The following FBN1 variants were observed in gnomAD, a reference collection of about 807,000 sequenced individuals.
FBN1 encodes fibrillin-1.
A neutral mutation model predicts 365.1 loss-of-function variants in FBN1; 29 were observed. The ratio of observed to expected loss-of-function variants is 0.08; its 90% CI spans 0.06 to 0.11. The LOEUF (loss-of-function observed/expected upper bound fraction) is 0.11, where lower values mean the gene tolerates loss of function less well. FBN1 is among the 10% of genes least tolerant of loss of function. FBN1 has a pLI of 1.00. For synonymous variants in FBN1, 1,210 were observed against 1,270.5 expected (o/e 0.95, Z 1.01); for missense variants, 2,476 against 3,703.2 (o/e 0.67, Z 8.60).
chr15:48,497,634 T>C (rs2043619362), intron 18 of FBN1, among the ~76,000 whole-genome samples: 1 of 151,838 alleles, frequency 6.6e-6, no homozygotes, highest in South Asian at 2.1e-4. Context: ...AGATAACCAA[T>C]CCTTAATCAA....
chr15:48,532,884 G>A lies in FBN1; in HGVS notation c.862+1196C>T, dbSNP rs185414396. Reference sequence around the variant, plus strand: ...AGAACTATTTTTTCACAACTACCCCGAATAACTATGTATAACATGTTCAAG... The same window carrying A: ...AGAACTATTTTTTCACAACTACCCCAAATAACTATGTATAACATGTTCAAG... On this transcript the variant is annotated intron_variant, in intron 8 of 65. Coordinates refer to ENST00000316623, the MANE Select transcript of FBN1 (RefSeq NM_000138.5). Among the ~76,000 whole-genome samples the A allele has an allele frequency of 1.9e-3, 291 of 152,014 alleles. 1 individual carries two copies. Among genetic ancestry groups the A allele is most frequent in the Middle Eastern group, 6.8e-3 (2 of 294 alleles).
At chr15:48,451,539 A>G (rs563215502) in intron 45 of FBN1, among the ~76,000 whole-genome samples, 1 of 152,278 alleles carries the variant, frequency 6.6e-6, no homozygotes, top group African/African-American at 2.4e-5. Context: ...AAAATACCCT[A>G]AAGAGAACAG....
At chr15:48,644,398 C>T (rs1406880425) in intron 2 of FBN1, 2 of 693,040 alleles carry the variant, frequency 2.9e-6, no homozygotes. Flanking sequence ...CATTTAACCA[C>T]GTCCTCTCCT....
Position 48,474,520 on chromosome 15 carries a change from C to T in FBN1, c.4087+8G>A, listed in dbSNP as rs2043403865. The stretch of plus-strand genomic sequence containing the variant: ...TTGATAAGCAACCTCTGTTACTTTC[C>T]TACTCACCAGTGCACTTAATGCCAT... On this transcript the variant is annotated splice_region_variant and intron_variant, in intron 33 of 65. Transcript: ENST00000316623. 1.2e-6 allele frequency: 2 copies of T among 1,614,156 alleles called. No homozygotes were observed. Among genetic ancestry groups the T allele is most frequent in the Non-Finnish European group, 1.7e-6 (2 of 1,180,018 alleles).
At chr15:48,444,737 C>A in intron 48 of FBN1, 77 bp from the exon 49 acceptor site, 1 of 1,503,196 alleles carries the variant, frequency 6.7e-7, no homozygotes, top group South Asian at 1.1e-5. Context: ...TTCAAAAAAA[C>A]TAGAATGAAT....
intron 50 of FBN1, among the ~76,000 whole-genome samples, chr15:48,440,388 C>G (rs1020792029): frequency 6.6e-6 from 1 of 152,188 alleles, no homozygotes; most frequent in African/African-American, 2.4e-5. Context: ...TTTCCTCTGG[C>G]CTGCCACATC....
chr15:48,513,457 C>A (rs1365499949), intron 13 of FBN1, 92 bp downstream of exon 13: 2 of 1,581,586 alleles, frequency 1.3e-6, no homozygotes, highest in African/African-American at 2.7e-5. Flanking sequence ...TCTCTTCCGG[C>A]ATGGGTTATT....
rs771136046 is a variant in FBN1 at position 48,415,729 on chromosome 15, C to G, written c.7858G>C (p.Ala2620Pro). 2 of 1,614,134 alleles carry G rather than the reference C, an allele frequency of 1.2e-6. No homozygotes were observed. The highest frequency in any genetic ancestry group is 2.7e-5 in the African/African-American group (2 of 74,946). ...CTCCCCAGGGTGTTGTGACAGGAGG[C>G]TCCTCCGCAGATGTGAGCGCTGAGG... is the stretch of plus-strand genomic sequence containing the variant. ...ECLSAHICGGASCHNTLGSYK... is the reference protein window; with the variant it reads ...ECLSAHICGGPSCHNTLGSYK... The change falls in exon 64 of 66, where the codon GCC becomes CCC. Residue 2620 changes from alanine to proline, a missense_variant. Physicochemically the swap from Ala to Pro is conservative, Grantham distance 27. Transcript: ENST00000316623.
At chr15:48,540,104 C>A (rs1328942157) in intron 6 of FBN1, among the ~76,000 whole-genome samples, 3 of 152,130 alleles carry the variant, frequency 2.0e-5, no homozygotes, top group Non-Finnish European at 4.4e-5. Context: ...CCAAAGTCAT[C>A]TTTATTTTTT....
Position 48,468,467 on chromosome 15 carries a change from A to G in FBN1, c.4527T>C (p.Tyr1509=), listed in dbSNP as rs776021250. The G allele has an allele frequency of 6.2e-6, 10 of 1,614,006 alleles. No homozygotes were observed. Among genetic ancestry groups the G allele is most frequent in the Non-Finnish European group, 8.5e-6 (10 of 1,179,972 alleles). Residue 1509 remains tyrosine (Y), a synonymous_variant, in exon 37 of 66, where the codon TAT becomes TAC. Transcript: ENST00000316623. ...SGNCVNTPGS[Y]ICDCPPDFEL... ...CAAAATCAGGTGGGCAGTCACAGAT[A>G]TAGCTGCCTGGAGTGTTGACACAGT... is the stretch of plus-strand genomic sequence containing the variant.
chr15:48,422,180 C>T, intron 60 of FBN1, 112 bp from the exon 61 acceptor site: 1 of 755,642 alleles, frequency 1.3e-6, no homozygotes, highest in Middle Eastern at 2.3e-4. Flanking sequence ...ATGACCCTGA[C>T]TAGAAAGAAG....
chr15:48,469,831 G>C (rs1455371497), intron 36 of FBN1, among the ~76,000 whole-genome samples: 1 of 152,070 alleles, frequency 6.6e-6, no homozygotes, highest in Non-Finnish European at 1.5e-5. Context: ...TAGCTTTAAG[G>C]AAAACCAAGG....
At chr15:48,438,112 T>C (rs2043087259) in intron 50 of FBN1, among the ~76,000 whole-genome samples, 195 bp from the exon 51 acceptor site, 1 of 152,206 alleles carries the variant, frequency 6.6e-6, no homozygotes, top group African/African-American at 2.4e-5. Flanking sequence ...TGAGATCTGA[T>C]GAACAACTCT....
At chr15:48,595,428 T>C (rs1242371879) in intron 6 of FBN1, among the ~76,000 whole-genome samples, 1 of 152,134 alleles carries the variant, frequency 6.6e-6, no homozygotes, top group Non-Finnish European at 1.5e-5. Flanking sequence ...ACTTTCATTA[T>C]AAAACTAGGG....
chr15:48,535,720 A>G (rs868799086), intron 7 of FBN1, among the ~76,000 whole-genome samples: 5 of 152,246 alleles, frequency 3.3e-5, no homozygotes, highest in African/African-American at 1.2e-4. Context: ...AATTTAGTTT[A>G]TTATAAAAGT....
At chr15:48,443,610 A>G (rs982418885) in intron 49 of FBN1, among the ~76,000 whole-genome samples, 1 of 152,184 alleles carries the variant, frequency 6.6e-6, no homozygotes, top group East Asian at 1.9e-4. Context: ...TTTCTAATTG[A>G]CGATATTAAA....
chr15:48,487,917 G>C (rs1284605613), intron 27 of FBN1, among the ~76,000 whole-genome samples, 196 bp downstream of exon 27: 2 of 152,090 alleles, frequency 1.3e-5, no homozygotes, highest in African/African-American at 4.8e-5. Context: ...CCCACAACTG[G>C]TCTCCGCCAT....
intron 6 of FBN1, among the ~76,000 whole-genome samples, chr15:48,566,445 G>A (rs187327254): frequency 9.5e-4 from 145 of 152,168 alleles, no homozygotes; most frequent in African/African-American, 3.2e-3. Flanking sequence ...CAACTATAAA[G>A]TTAAACAAGA....
At chr15:48,432,665 G>A (rs1207004826) in intron 55 of FBN1, among the ~76,000 whole-genome samples, 3 of 152,166 alleles carry the variant, frequency 2.0e-5, no homozygotes, top group Admixed American at 2.0e-4. Flanking sequence ...AATAAAGGAT[G>A]TGCAGTGCAG....
Sources: gnomAD v4.1 joint callset for allele counts (sites outside exome capture counted in the v4.1 genomes callset) on GRCh38, gnomAD v4.1.1 for gene constraint, MANE v1.5 for transcripts, NCBI Gene and HGNC (gene_info 2026-07-23, HGNC 2026-07-21) for gene names.